NRXN1: variants seen among roughly 807,000 people sequenced by gnomAD.
The protein encoded by NRXN1 is neurexin 1.
A neutral mutation model predicts 150.9 loss-of-function variants in NRXN1; 39 were observed. The ratio of observed to expected loss-of-function variants is 0.26; its 90% CI spans 0.20 to 0.34. The LOEUF is 0.34. Among genes scored for constraint, NRXN1 ranks in the 10% least tolerant of loss-of-function variants. The probability of loss-of-function intolerance (pLI) is 1.00; values close to 1 mark genes in which losing one functional copy is unlikely to be tolerated. For missense variants in NRXN1, 1,815 were observed against 1,949.9 expected (o/e 0.93, Z 1.30); for synonymous variants, 924 against 757.0 (o/e 1.22, Z -3.62).
At chr2:50,202,605 C>T (rs1179745432) in intron 18 of NRXN1, among the ~76,000 whole-genome samples, 2 of 152,226 alleles carry the variant, frequency 1.3e-5, no homozygotes, top group East Asian at 3.9e-4. Flanking sequence ...TTGACTTAAG[C>T]CTCTTTTCTG....
chr2:50,110,831 T>C (rs906065241), intron 18 of NRXN1, among the ~76,000 whole-genome samples: 6 of 152,184 alleles, frequency 3.9e-5, no homozygotes, highest in African/African-American at 1.4e-4. Flanking sequence ...TTCACATTAT[T>C]AGTTATAAAA....
At chr2:50,229,506 A>G (rs1245916240) in intron 18 of NRXN1, among the ~76,000 whole-genome samples, 1 of 152,032 alleles carries the variant, frequency 6.6e-6, no homozygotes, top group African/African-American at 2.4e-5. Context: ...ACGTGCTTGC[A>G]TATAGTTTAA....
At chr2:50,310,817 G>A (rs1390014649) in intron 17 of NRXN1, among the ~76,000 whole-genome samples, 1 of 152,086 alleles carries the variant, frequency 6.6e-6, no homozygotes, top group African/African-American at 2.4e-5. Context: ...GTGAAGACGA[G>A]ATTAACACAG....
chr2:50,922,509 C>A (rs1359840309), intron 4 of NRXN1, 149 bp downstream of exon 4: 1 of 811,596 alleles, frequency 1.2e-6, no homozygotes, highest in Middle Eastern at 3.0e-4. Flanking sequence ...GGAAGAAAAA[C>A]ACATGAAAAA....
At chr2:50,470,341 G>C (rs566658026) in intron 16 of NRXN1, among the ~76,000 whole-genome samples, 36 of 151,534 alleles carry the variant, frequency 2.4e-4, no homozygotes, top group Non-Finnish European at 3.4e-4. Context: ...AAAAAACATA[G>C]TTTCCTTATG....
chr2:50,752,223 C>T (rs938682689), intron 5 of NRXN1, among the ~76,000 whole-genome samples: 1 of 151,872 alleles, frequency 6.6e-6, no homozygotes, highest in Non-Finnish European at 1.5e-5. Flanking sequence ...AATTCTTTGG[C>T]CTGCCTATCA....
At chr2:50,302,908 C>G (rs893916354) in intron 17 of NRXN1, among the ~76,000 whole-genome samples, 4 of 65,386 alleles carry the variant, frequency 6.1e-5, no homozygotes, top group African/African-American at 2.9e-4. Context: ...CCATAGTCTA[C>G]CAGGCCATCC....
intron 17 of NRXN1, among the ~76,000 whole-genome samples, chr2:50,324,982 G>C (rs2076290976): frequency 6.6e-6 from 1 of 152,134 alleles, no homozygotes; most frequent in Non-Finnish European, 1.5e-5. Context: ...CAGAATTTCA[G>C]GTGGAAAAAG....
Position 49,920,007 on chromosome 2 carries a change from G to T in NRXN1, c.*1937C>A, listed in dbSNP as rs966656236. 1 of 152,094 alleles carries T rather than the reference G, an allele frequency of 6.6e-6. No individual in the cohort carries two copies. Among genetic ancestry groups the T allele is most frequent in the South Asian group, 2.1e-4 (1 of 4,824 alleles). The allele number at this position is 152,094 out of a possible 1,614,324, so 9.4% of individuals were successfully genotyped here. ...AAATTTTTTATCGTTCTTTTAGAAG[G>T]TATTCAAGTAATGCAACCAATTTTT... On this transcript the variant is annotated 3_prime_UTR_variant, in exon 23 of 23. Coordinates refer to ENST00000401669, the MANE Select transcript of NRXN1 (RefSeq NM_001330078.2).
At chr2:50,051,045 T>C (rs1452772) in intron 21 of NRXN1, among the ~76,000 whole-genome samples, 91,720 of 151,688 alleles carry the variant, frequency 0.6, 28,084 homozygotes, top group Middle Eastern at 0.67. Flanking sequence ...TATTCACTAA[T>C]TAATTAGATC....
intron 21 of NRXN1, among the ~76,000 whole-genome samples, chr2:49,975,891 T>G (rs973233628): frequency 6.6e-6 from 1 of 152,186 alleles, no homozygotes; most frequent in Non-Finnish European, 1.5e-5. Context: ...TCATATGTCC[T>G]TATATGAAGA....
At chr2:50,924,991 A>C (rs1488430741) in intron 3 of NRXN1, among the ~76,000 whole-genome samples, 1 of 151,816 alleles carries the variant, frequency 6.6e-6, no homozygotes, top group Non-Finnish European at 1.5e-5. Context: ...TATATTTCAA[A>C]ATATGGTAGT....
At chr2:50,733,801 T>C (rs1350755840) in intron 5 of NRXN1, among the ~76,000 whole-genome samples, 5 of 152,182 alleles carry the variant, frequency 3.3e-5, no homozygotes, top group African/African-American at 1.2e-4. Context: ...TTTATAAAGA[T>C]ATTTCTAAGA....
chr2:50,850,299 G>T (rs930561313), intron 5 of NRXN1, among the ~76,000 whole-genome samples: 2 of 151,572 alleles, frequency 1.3e-5, no homozygotes, highest in African/African-American at 2.4e-5. Flanking sequence ...TACATATTTG[G>T]ACCTCCCTTC....
At chr2:49,993,263 T>C (rs8179818) in intron 21 of NRXN1, among the ~76,000 whole-genome samples, 48,405 of 151,954 alleles carry the variant, frequency 0.32, 8,130 homozygotes, top group East Asian at 0.5. Context: ...TAAAAAGACA[T>C]GAAGGAATCT....
intron 17 of NRXN1, among the ~76,000 whole-genome samples, chr2:50,273,168 G>A (rs547099298): frequency 6.6e-6 from 1 of 152,154 alleles, no homozygotes; most frequent in Non-Finnish European, 1.5e-5. Context: ...TCTCAACACT[G>A]TTCAAAGGAA....
chr2:50,213,568 T>C (rs1222227488), intron 18 of NRXN1, among the ~76,000 whole-genome samples: 1 of 151,874 alleles, frequency 6.6e-6, no homozygotes, highest in Non-Finnish European at 1.5e-5. Flanking sequence ...ATGCTTAATC[T>C]TTCCACACTC....
intron 17 of NRXN1, among the ~76,000 whole-genome samples, chr2:50,312,448 G>A (rs977626962): frequency 1.3e-5 from 2 of 151,942 alleles, no homozygotes; most frequent in African/African-American, 4.8e-5. Flanking sequence ...TTAATCTTGG[G>A]AAACTTTGCA....
chr2:50,250,709 G>GT (rs1364427439), intron 17 of NRXN1, among the ~76,000 whole-genome samples: 1 of 151,886 alleles, frequency 6.6e-6, no homozygotes, highest in African/African-American at 2.4e-5. Context: ...ACTGCACTTA[G>GT]TAAGTGTCTT....
Sources: gnomAD v4.1 joint callset for allele counts (sites outside exome capture counted in the v4.1 genomes callset) on GRCh38, gnomAD v4.1.1 for gene constraint, MANE v1.5 for transcripts, NCBI Gene and HGNC (gene_info 2026-07-23, HGNC 2026-07-21) for gene names.